Variants in ZNF444 observed in about 807,000 individuals in gnomAD.
The protein encoded by ZNF444 is zinc finger protein 444, also known as endothelial zinc finger protein 2.
A neutral mutation model predicts 14.4 loss-of-function variants in ZNF444; 8 were observed. The ratio of observed to expected loss-of-function variants is 0.56; its 90% CI spans 0.33 to 1.00. The LOEUF (loss-of-function observed/expected upper bound fraction) is 1.00, where lower values mean the gene tolerates loss of function less well. ZNF444 is among the 50% of genes least tolerant of loss of function. The probability of loss-of-function intolerance (pLI) is 0.03; values close to 1 mark genes in which losing one functional copy is unlikely to be tolerated. For synonymous variants in ZNF444, 258 were observed against 235.9 expected (o/e 1.09, Z -0.86); for missense variants, 510 against 504.8 (o/e 1.01, Z -0.10).
In ZNF444 at chr19:56,153,023, C is replaced by T. The variant is rs139151081; in HGVS notation, c.298-5471C>T. On this transcript the variant is annotated intron_variant, in intron 3 of 4. Transcript: ENST00000337080. ...TTCCTTCATGTTAGTCTGGATGCAT[C>T]CTCTGCCAGCTAGTAGACTTTCACA... Among the ~76,000 whole-genome samples the T allele has an allele frequency of 6.4e-4, 98 of 152,268 alleles. 2 individuals are homozygous for T. The East Asian group carries it at 0.016, about 26-fold the overall frequency.
chr19:56,154,801 G>C (rs2031805631), intron 3 of ZNF444: 1 of 152,260 alleles, frequency 6.6e-6, no homozygotes, highest in Non-Finnish European at 1.5e-5. Context: ...TGATCCCACA[G>C]TGGGTGGACA....
At chr19:56,138,792 C>CTTTT (rs59273024), upstream of ZNF444, among the ~76,000 whole-genome samples, 3,117 of 92,770 alleles carry the variant, frequency 0.034, 383 homozygotes, top group Non-Finnish European at 0.041. Context: ...CTTGAATGTA[C>CTTTT]TTTTTTTTTT....
At chr19:56,155,641 C>T (rs1200752835) in intron 3 of ZNF444, 1 of 152,516 alleles carries the variant, frequency 6.6e-6, no homozygotes, top group African/African-American at 2.4e-5. Context: ...CAGGGTCCGT[C>T]CTGGGTACTG....
upstream of ZNF444, among the ~76,000 whole-genome samples, chr19:56,139,454 G>A (rs920281837): frequency 2.0e-5 from 3 of 152,090 alleles, no homozygotes; most frequent in Non-Finnish European, 2.9e-5. Context: ...TTGGGAGGCC[G>A]AGGAGGCAGA....
intron 1 of ZNF444, among the ~76,000 whole-genome samples, chr19:56,132,931 C>CTTTTTTTTTTTTTT (rs1488948457): frequency 5.2e-5 from 2 of 38,114 alleles, no homozygotes; most frequent in Non-Finnish European, 1.5e-4. Flanking sequence ...TTCTTTCTTT[C>CTTTTTTTTTTTTTT]TTTCTTTTTT....
chr19:56,147,383 C>G lies in ZNF444; in HGVS notation c.297+175C>G, dbSNP rs574035329. Among the ~76,000 whole-genome samples, 15 of 152,244 alleles carry G rather than the reference C, an allele frequency of 9.9e-5. No homozygotes were observed. The South Asian group carries it at 2.5e-3, about 25-fold the overall frequency. ...AGGGACAGTCCACGTGCGGCACCCT[C>G]CATCCCCACACCAGCTGCAAGTCAG... On this transcript the variant is annotated intron_variant, in intron 3 of 4. Coordinates refer to ENST00000337080, the MANE Select transcript of ZNF444 (RefSeq NM_018337.4). The surrounding 1 kb of genome is among the most constrained non-coding windows in gnomAD (Gnocchi z 5.9).
At chr19:56,135,895 A>G (rs1201764446) in intron 1 of ZNF444, among the ~76,000 whole-genome samples, 1 of 151,540 alleles carries the variant, frequency 6.6e-6, no homozygotes, top group African/African-American at 2.4e-5. Flanking sequence ...CCTGGCCAAC[A>G]TGGTGAAACC....
At position 56,156,465 on chromosome 19, in the gene ZNF444, C is replaced by T. The variant is rs1369858112; in HGVS notation, c.298-2029C>T. 3.3e-5 allele frequency: 5 copies of T among 152,342 alleles called. No homozygotes were observed. The East Asian group carries it at 9.6e-4, about 29-fold the overall frequency. The allele number at this position is 152,342 out of a possible 1,614,324, so 9.4% of individuals were successfully genotyped here. A position where few individuals can be genotyped will look rare whatever the true frequency, so the allele number is the denominator to read the frequency against. On this transcript the variant is annotated intron_variant, in intron 3 of 4. Coordinates refer to ENST00000337080, the MANE Select transcript of ZNF444 (RefSeq NM_018337.4). ...TTGGCCTCCTTTGGCTTTCTTTCCT[C>T]CAGGGTAGGGGCAGGACCCCTTCTG... is the stretch of plus-strand genomic sequence containing the variant.
chr19:56,160,118 G>C lies in ZNF444; in HGVS notation c.901G>C (p.Gly301Arg). The C allele has an allele frequency of 1.3e-6, 2 of 1,487,790 alleles. No individual in the cohort carries two copies. The highest frequency in any genetic ancestry group is 1.5e-5 in the African/African-American group (1 of 68,390). The allele number at this position is 1,487,790 out of a possible 1,614,324, so 92.2% of individuals were successfully genotyped here. A position where few individuals can be genotyped will look rare whatever the true frequency, so the allele number is the denominator to read the frequency against. Residue 301 changes from glycine to arginine, a missense_variant, in exon 5 of 5, where the codon GGC (glycine) becomes CGC (arginine). Transcript: ENST00000337080. Reference sequence around the variant, plus strand: ...CGTGCTGCGCCACCAGCGCATCCACGGCCGGGCAGCGGCCAGCGCGCAGGG... The same window carrying C: ...CGTGCTGCGCCACCAGCGCATCCACCGCCGGGCAGCGGCCAGCGCGCAGGG... ...EHVLRHQRIHGRAAASAQGAV... is the reference protein window; with the variant it reads ...EHVLRHQRIHRRAAASAQGAV...
chr19:56,133,228 A>G (rs1446885822), intron 1 of ZNF444, among the ~76,000 whole-genome samples: 2 of 150,720 alleles, frequency 1.3e-5, no homozygotes, highest in African/African-American at 4.9e-5. Context: ...GCACACCACC[A>G]TGCCCGGCTA....
chr19:56,146,905 A>G lies in ZNF444; in HGVS notation c.-7A>G. 2 of 1,412,570 alleles carry G rather than the reference A, an allele frequency of 1.4e-6. No individual in the cohort carries two copies. Among genetic ancestry groups the G allele is most frequent in the Non-Finnish European group, 1.8e-6 (2 of 1,092,978 alleles). 87.5% of individuals were successfully genotyped at this position (1,412,570 alleles called of 1,614,324 possible). Reference sequence around the variant, plus strand: ...TTCCCTGCAGGCGCTGCGGTCCGGGAGGCCCCATGGAGGTGGCGGTGCCCG... The same window carrying G: ...TTCCCTGCAGGCGCTGCGGTCCGGGGGGCCCCATGGAGGTGGCGGTGCCCG... On this transcript the variant is annotated 5_prime_UTR_variant, in exon 3 of 5. Transcript: ENST00000337080.
Position 56,146,993 on chromosome 19 carries a change from C to G in ZNF444, c.82C>G (p.Leu28Val). 1.4e-6 allele frequency: 2 copies of G among 1,442,058 alleles called. No individual in the cohort carries two copies. The highest frequency in any genetic ancestry group is 1.4e-5 in the South Asian group (1 of 68,980). The allele number at this position is 1,442,058 out of a possible 1,614,324, so 89.3% of individuals were successfully genotyped here. A position where few individuals can be genotyped will look rare whatever the true frequency, so the allele number is the denominator to read the frequency against. The change falls in exon 3 of 5, where the codon CTG (leucine) becomes GTG (valine). Residue 28 changes from leucine to valine, a missense_variant. Physicochemically the swap from Leu to Val is conservative, Grantham distance 32. Transcript: ENST00000337080. Reference protein sequence around the residue: ...SPWHRFRRFHLGDAPGPREAL... With the variant: ...SPWHRFRRFHVGDAPGPREAL... ...GTGGCACCGCTTCCGCCGCTTCCAC[C>G]TGGGCGACGCGCCGGGCCCGCGGGA...
chr19:56,141,645 T>TGGGGGAGGGGGAGGGGCGCCTGGGGGA (rs2030820997), intron 1 of ZNF444: 1 of 65,912 alleles, frequency 1.5e-5, no homozygotes, highest in Non-Finnish European at 2.7e-5. Flanking sequence ...GAGGGGCGCC[T>TGGGGGAGGGGGAGGGGCGCCTGGGGGA]GGGGGAGGGG....
intron 4 of ZNF444, among the ~76,000 whole-genome samples, 168 bp from the exon 5 acceptor site, chr19:56,159,456 C>T (rs1396291030): frequency 1.3e-5 from 2 of 152,188 alleles, no homozygotes; most frequent in Non-Finnish European, 2.9e-5. Context: ...ATGCCAGGCA[C>T]TACTAGGTAC....
In ZNF444 at chr19:56,160,013, G is replaced by T; in HGVS notation, c.796G>T (p.Val266Leu). The T allele has an allele frequency of 6.6e-7, 1 of 1,512,364 alleles. No homozygotes were observed. Among genetic ancestry groups the T allele is most frequent in the Non-Finnish European group, 8.8e-7 (1 of 1,135,988 alleles). 93.7% of individuals were successfully genotyped at this position (1,512,364 alleles called of 1,614,324 possible). Residue 266 changes from valine to leucine, a missense_variant, in exon 5 of 5, where the codon GTG (valine) becomes TTG (leucine). Coordinates refer to ENST00000337080, the MANE Select transcript of ZNF444 (RefSeq NM_018337.4). ...GACCTTCTACTGGCGCGAGCACCTG[G>T]TGCGCCACCGCAAGACGCACTCGGG... ...GKTFYWREHL[V>L]RHRKTHSGAR...
chr19:56,158,150 A>G (rs763190775), intron 3 of ZNF444: 6 of 208,170 alleles, frequency 2.9e-5, no homozygotes, highest in African/African-American at 2.3e-5. Flanking sequence ...GGGTGTAAAC[A>G]GTAACATCTG....
chr19:56,142,006 T>C (rs1327241296), intron 1 of ZNF444, among the ~76,000 whole-genome samples: 1 of 152,144 alleles, frequency 6.6e-6, no homozygotes, highest in Non-Finnish European at 1.5e-5. Context: ...TTCGGTAATA[T>C]GTGTAAAGTG....
In ZNF444 at chr19:56,152,483, G is replaced by T. The variant is rs200211214; in HGVS notation, c.297+5275G>T. 3.6e-3 allele frequency among the ~76,000 whole-genome samples: 444 copies of T among 122,472 alleles called. 1 individual carries two copies. Among genetic ancestry groups the T allele is most frequent in the South Asian group, 0.015 (50 of 3,250 alleles). The allele number at this position is 122,472 out of a possible 152,430, so 80.3% of individuals were successfully genotyped here. Reference sequence around the variant, plus strand: ...ACATTTGGGTTGATTCCAGGGTTTTGTTTTTTTTTTTTTTTTAATAGAGCT... The same window carrying T: ...ACATTTGGGTTGATTCCAGGGTTTTTTTTTTTTTTTTTTTTTAATAGAGCT... On this transcript the variant is annotated intron_variant, in intron 3 of 4. Transcript: ENST00000337080.
At chr19:56,143,480 C>G (rs2030965690) in intron 1 of ZNF444, 1 of 152,238 alleles carries the variant, frequency 6.6e-6, no homozygotes, top group African/African-American at 2.4e-5. Flanking sequence ...CTGCCTGCTC[C>G]CAGGTTCATC....
Sources: gnomAD v4.1 joint callset for allele counts (sites outside exome capture counted in the v4.1 genomes callset) on GRCh38, gnomAD v4.1.1 for gene constraint, Gnocchi (gnomAD v3.1) non-coding constraint, MANE v1.5 for transcripts, NCBI Gene and HGNC (gene_info 2026-07-23, HGNC 2026-07-21) for gene names.